The following ZNF385D variants were observed in gnomAD, a reference collection of about 807,000 sequenced individuals.
ZNF385D encodes zinc finger protein 385D.
ZNF385D carries 15 observed loss-of-function variants against 35.8 expected under a neutral mutation model. The observed-to-expected ratio is 0.42, with a 90% CI of 0.28 to 0.64. The LOEUF is 0.64. Ranked by LOEUF, ZNF385D falls within the 30% of genes least tolerant of loss-of-function variation. The pLI, the probability that ZNF385D is intolerant of heterozygous loss-of-function variation, is 0.23. For missense variants in ZNF385D, 474 were observed against 494.6 expected (o/e 0.96, Z 0.39); for synonymous variants, 212 against 186.8 (o/e 1.13, Z -1.10).
chr3:22,317,280 C>CCAAAAAAAAAAAAAAAAAAAAAAAAAAA (rs762613629), intron 2 of ZNF385D, among the ~76,000 whole-genome samples: 1 of 26,098 alleles, frequency 3.8e-5, no homozygotes, highest in Non-Finnish European at 6.6e-5. Flanking sequence ...ACTCCATCTC[C>CCAAAAAAAAAAAAAAAAAAAAAAAAAAA]AAAAAAAAAA....
At chr3:22,295,292 C>G (rs925725113) in intron 2 of ZNF385D, among the ~76,000 whole-genome samples, 17 of 152,068 alleles carry the variant, frequency 1.1e-4, no homozygotes, top group African/African-American at 3.9e-4. Context: ...AGATAACATT[C>G]TAGAAAAAGT....
chr3:22,222,091 C>T (rs1044893761), intron 2 of ZNF385D, among the ~76,000 whole-genome samples: 3 of 152,050 alleles, frequency 2.0e-5, no homozygotes, highest in African/African-American at 7.2e-5. Flanking sequence ...ATTCTCCTGC[C>T]TCACTCTCCC....
chr3:21,435,865 A>G (rs906983022), intron 5 of ZNF385D, among the ~76,000 whole-genome samples: 2 of 152,294 alleles, frequency 1.3e-5, no homozygotes, highest in Middle Eastern at 3.4e-3. Context: ...CTAACGTTAT[A>G]TGCTGGAGGA....
chr3:22,034,752 T>C lies in ZNF385D; in HGVS notation c.325+134065A>G, dbSNP rs1358230035. Reference sequence around the variant, plus strand: ...TTTAATTCAAGAATAACTCAATAAATATTTAAAAAGTAAGTATCATTAGGC... The same window carrying C: ...TTTAATTCAAGAATAACTCAATAAACATTTAAAAAGTAAGTATCATTAGGC... On this transcript the variant is annotated intron_variant, in intron 3 of 5. Coordinates refer to the ZNF385D transcript ENST00000494108. Among the ~76,000 whole-genome samples the C allele has an allele frequency of 4.6e-5, 7 of 152,064 alleles. 1 individual carries two copies. The highest frequency in any genetic ancestry group is 4.6e-4 in the Admixed American group (7 of 15,258).
intron 3 of ZNF385D, among the ~76,000 whole-genome samples, chr3:21,815,551 C>A (rs1179947964): frequency 6.6e-6 from 1 of 152,180 alleles, no homozygotes; most frequent in Non-Finnish European, 1.5e-5. Context: ...ACTATAAACA[C>A]CTCTCCACAA....
At chr3:21,765,236 G>C (rs1358223258) in intron 3 of ZNF385D, among the ~76,000 whole-genome samples, 1 of 152,026 alleles carries the variant, frequency 6.6e-6, no homozygotes, top group African/African-American at 2.4e-5. Flanking sequence ...GAGAGAGAGA[G>C]AGCATTTGAG....
intron 3 of ZNF385D, among the ~76,000 whole-genome samples, chr3:21,987,420 A>T (rs1252765397): frequency 2.5e-4 from 28 of 112,034 alleles, no homozygotes; most frequent in African/African-American, 1.2e-3. Context: ...TTTCTCCTTC[A>T]CTTATGAAGC....
Position 21,661,107 on chromosome 3 carries a change from C to T in ZNF385D, c.165+3779G>A, listed in dbSNP as rs114067783. Among the ~76,000 whole-genome samples the T allele has an allele frequency of 5.5e-3, 842 of 152,160 alleles. 3 individuals carry two copies. Among genetic ancestry groups the T allele is most frequent in the Non-Finnish European group, 8.6e-3 (584 of 67,990 alleles). On this transcript the variant is annotated intron_variant, in intron 2 of 7. Coordinates refer to ENST00000281523, the MANE Select transcript of ZNF385D (RefSeq NM_024697.3). Reference sequence around the variant, plus strand: ...AACTCCATGACTCCATGAAAGAGAACGGAAAAAAACGAGAGCTAGCAACAG... The same window carrying T: ...AACTCCATGACTCCATGAAAGAGAATGGAAAAAAACGAGAGCTAGCAACAG...
At chr3:22,113,174 G>C (rs1702627697) in intron 3 of ZNF385D, among the ~76,000 whole-genome samples, 1 of 152,044 alleles carries the variant, frequency 6.6e-6, no homozygotes, top group Non-Finnish European at 1.5e-5. Context: ...AGTAAGAATG[G>C]GGGTGGGCTA....
At chr3:22,190,500 G>A (rs576770898) in intron 2 of ZNF385D, among the ~76,000 whole-genome samples, 5 of 152,100 alleles carry the variant, frequency 3.3e-5, no homozygotes, top group African/African-American at 4.8e-5. Context: ...GGAATTTGTC[G>A]TGGTCACTGA....
chr3:22,019,305 A>C (rs1287798781), intron 3 of ZNF385D, among the ~76,000 whole-genome samples: 1 of 151,518 alleles, frequency 6.6e-6, no homozygotes, highest in African/African-American at 2.4e-5. Context: ...TTATTGTTAT[A>C]CTTTCATGTA....
At position 21,682,579 on chromosome 3, in the gene ZNF385D, G is replaced by A. The variant is rs2125317778; in HGVS notation, c.23-17551C>T. Among the ~76,000 whole-genome samples, 2 of 150,156 alleles carry A rather than the reference G, an allele frequency of 1.3e-5. 1 individual carries two copies. Among genetic ancestry groups the A allele is most frequent in the African/African-American group, 4.9e-5 (2 of 40,828 alleles). On this transcript the variant is annotated intron_variant, in intron 1 of 7. Transcript: ENST00000281523. ...GTCCTTTAATAGAAATGAAAGTCAA[G>A]GGTTAATCTTTTTTAGGGAAATGAG...
chr3:21,648,727 C>A (rs2065826179), intron 2 of ZNF385D, among the ~76,000 whole-genome samples: 1 of 152,038 alleles, frequency 6.6e-6, no homozygotes, highest in Admixed American at 6.6e-5. Context: ...TGGAAAGCCT[C>A]TACTAAGAAA....
chr3:21,569,535 T>C (rs1419138631), intron 2 of ZNF385D, among the ~76,000 whole-genome samples: 2 of 151,084 alleles, frequency 1.3e-5, no homozygotes, highest in Admixed American at 6.6e-5. Context: ...GTCTGTGTCT[T>C]TTAATTGGAG....
At chr3:22,185,531 G>A (rs540587337) in intron 2 of ZNF385D, among the ~76,000 whole-genome samples, 309 of 152,168 alleles carry the variant, frequency 2.0e-3, no homozygotes, top group African/African-American at 7.0e-3. Flanking sequence ...AGTGCAGTGC[G>A]ATCTTGGCTC....
At chr3:21,736,130 G>A (rs1001999612) in intron 1 of ZNF385D, among the ~76,000 whole-genome samples, 2 of 152,070 alleles carry the variant, frequency 1.3e-5, no homozygotes, top group East Asian at 3.9e-4. Flanking sequence ...TCCTGAAATT[G>A]CCTTTTTTGT....
At chr3:22,109,982 T>G (rs932893576) in intron 3 of ZNF385D, among the ~76,000 whole-genome samples, 2 of 152,110 alleles carry the variant, frequency 1.3e-5, no homozygotes. Flanking sequence ...GCGAAGGATA[T>G]GAACAGACAC....
chr3:21,858,944 C>T (rs1696886451), intron 3 of ZNF385D, among the ~76,000 whole-genome samples: 1 of 152,040 alleles, frequency 6.6e-6, no homozygotes, highest in African/African-American at 2.4e-5. Context: ...CCTGTTTCCC[C>T]TCACTGCTTT....
chr3:22,261,953 C>G (rs986936540), intron 2 of ZNF385D, among the ~76,000 whole-genome samples: 1 of 151,888 alleles, frequency 6.6e-6, no homozygotes, highest in Non-Finnish European at 1.5e-5. Flanking sequence ...CCTTAATTAC[C>G]TATTTGAGTG....
Sources: gnomAD v4.1 joint callset for allele counts (sites outside exome capture counted in the v4.1 genomes callset) on GRCh38, gnomAD v4.1.1 for gene constraint, MANE v1.5 for transcripts, NCBI Gene and HGNC (gene_info 2026-07-23, HGNC 2026-07-21) for gene names.